Variants in EPHA6 observed in about 807,000 individuals in gnomAD.
EPHA6 encodes ephrin type-A receptor 6.
A neutral mutation model predicts 112.0 loss-of-function variants in EPHA6; 50 were observed. The observed-to-expected ratio is 0.45, with a 90% CI of 0.36 to 0.56. EPHA6 has a LOEUF of 0.56. Among genes scored for constraint, EPHA6 ranks in the 20% least tolerant of loss-of-function variants. EPHA6 has a pLI of 0.00. For missense variants in EPHA6, 1,280 were observed against 1,417.4 expected (o/e 0.90, Z 1.56); for synonymous variants, 529 against 490.7 (o/e 1.08, Z -1.03).
At chr3:97,387,462 A>G (rs2086139273) in intron 5 of EPHA6, among the ~76,000 whole-genome samples, 1 of 152,122 alleles carries the variant, frequency 6.6e-6, no homozygotes, top group Non-Finnish European at 1.5e-5. Context: ...AGATTTTTAG[A>G]GCTGGGGCAC....
chr3:97,729,172 C>T (rs537918689), intron 15 of EPHA6, among the ~76,000 whole-genome samples: 10 of 152,088 alleles, frequency 6.6e-5, no homozygotes, highest in South Asian at 4.2e-4. Context: ...ATCACTGTAA[C>T]GCCTTTTTTC....
At chr3:97,400,581 G>A (rs929227266) in intron 5 of EPHA6, among the ~76,000 whole-genome samples, 50 of 151,398 alleles carry the variant, frequency 3.3e-4, no homozygotes, top group African/African-American at 1.2e-3. Flanking sequence ...ACATTTATTT[G>A]TTTCCTCTTA....
At chr3:97,211,722 G>A (rs558622520) in intron 3 of EPHA6, among the ~76,000 whole-genome samples, 1 of 152,198 alleles carries the variant, frequency 6.6e-6, no homozygotes, top group East Asian at 1.9e-4. Context: ...AATTTGGGGG[G>A]CATACACACA....
intron 5 of EPHA6, among the ~76,000 whole-genome samples, chr3:97,307,113 A>T (rs900515305): frequency 9.2e-5 from 14 of 151,918 alleles, no homozygotes; most frequent in Admixed American, 2.6e-4. Context: ...ATTCCTAACA[A>T]TGCATTTTAT....
chr3:97,377,051 A>G (rs1371280379), intron 5 of EPHA6, among the ~76,000 whole-genome samples: 1 of 152,182 alleles, frequency 6.6e-6, no homozygotes, highest in Non-Finnish European at 1.5e-5. Context: ...GTAATGCTAA[A>G]TCTTGGAGAT....
intron 11 of EPHA6, among the ~76,000 whole-genome samples, chr3:97,557,180 C>T (rs1174498098): frequency 6.6e-6 from 1 of 151,848 alleles, no homozygotes; most frequent in Admixed American, 6.6e-5. Flanking sequence ...TTTTTAAATA[C>T]TGAAAATTAC....
At chr3:96,888,095 A>G (rs964468540) in intron 2 of EPHA6, among the ~76,000 whole-genome samples, 1 of 152,016 alleles carries the variant, frequency 6.6e-6, no homozygotes, top group African/African-American at 2.4e-5. Flanking sequence ...CCCTCCCCCA[A>G]GTTCTGGCCA....
intron 2 of EPHA6, among the ~76,000 whole-genome samples, chr3:96,939,080 G>A (rs1384047593): frequency 1.1e-4 from 16 of 152,104 alleles, no homozygotes; most frequent in Admixed American, 7.9e-4. Flanking sequence ...TTTTGGTTGT[G>A]TCTCTGCCAG....
chr3:97,251,718 C>G (rs2079148120), intron 5 of EPHA6, among the ~76,000 whole-genome samples: 1 of 152,058 alleles, frequency 6.6e-6, no homozygotes, highest in South Asian at 2.1e-4. Flanking sequence ...CCATGTATTC[C>G]TCTGCACTTT....
At chr3:97,447,867 C>CT in intron 6 of EPHA6, 3 of 792,006 alleles carry the variant, frequency 3.8e-6, no homozygotes, top group Non-Finnish European at 4.7e-6. Flanking sequence ...GTTTCCAGTG[C>CT]TTCTTCATGG....
intron 3 of EPHA6, among the ~76,000 whole-genome samples, chr3:97,136,074 T>C (rs1315983797): frequency 6.6e-6 from 1 of 152,206 alleles, no homozygotes; most frequent in African/African-American, 2.4e-5. Flanking sequence ...GATCTCAATT[T>C]GGAAGTACTC....
intron 3 of EPHA6, among the ~76,000 whole-genome samples, chr3:97,207,664 A>G (rs2077750040): frequency 6.6e-6 from 1 of 152,184 alleles, no homozygotes; most frequent in African/African-American, 2.4e-5. Flanking sequence ...ATATTTACAC[A>G]TGGATGAACA....
intron 13 of EPHA6, among the ~76,000 whole-genome samples, chr3:97,628,164 G>A (rs1246990892): frequency 6.6e-6 from 1 of 151,976 alleles, no homozygotes; most frequent in East Asian, 1.9e-4. Flanking sequence ...CCATAATCCA[G>A]GTAAGAGATA....
chr3:97,642,723 G>T (rs1044964558), intron 14 of EPHA6, among the ~76,000 whole-genome samples: 23 of 151,822 alleles, frequency 1.5e-4, no homozygotes, highest in Non-Finnish European at 2.7e-4. Context: ...AATGAAGCGA[G>T]AAGGGAAGTT....
At chr3:97,281,085 A>G (rs376173309) in intron 5 of EPHA6, among the ~76,000 whole-genome samples, 9 of 152,278 alleles carry the variant, frequency 5.9e-5, no homozygotes, top group East Asian at 1.9e-4. Flanking sequence ...GAGGGAGAGA[A>G]GTTAAGTGTT....
intron 11 of EPHA6, among the ~76,000 whole-genome samples, chr3:97,583,498 C>T (rs935240173): frequency 2.0e-5 from 3 of 150,754 alleles, no homozygotes; most frequent in African/African-American, 7.3e-5. Flanking sequence ...GAGATCGTGC[C>T]ACTGCACTCC....
At chr3:97,618,310 C>T (rs2093783558) in intron 13 of EPHA6, among the ~76,000 whole-genome samples, 1 of 152,062 alleles carries the variant, frequency 6.6e-6, no homozygotes, top group Admixed American at 6.6e-5. Context: ...CACTAAATAC[C>T]CACCTCAAAA....
intron 5 of EPHA6, among the ~76,000 whole-genome samples, chr3:97,298,356 C>T (rs559220620): frequency 6.0e-4 from 92 of 152,248 alleles, no homozygotes; most frequent in Non-Finnish European, 1.1e-3. Flanking sequence ...TTGCACTTTT[C>T]CCCAAGCATA....
At position 97,363,261 on chromosome 3, in the gene EPHA6, A is replaced by G. The variant is rs2084506578; in HGVS notation, c.1607-41889A>G. 2.5e-5 allele frequency among the ~76,000 whole-genome samples: 3 copies of G among 121,752 alleles called. No individual in the cohort carries two copies. In the Admixed American group the frequency reaches 2.6e-4, roughly 10 times the overall value. 79.9% of individuals were successfully genotyped at this position (121,752 alleles called of 152,430 possible). On this transcript the variant is annotated intron_variant, in intron 5 of 17. Coordinates refer to ENST00000389672, the MANE Select transcript of EPHA6 (RefSeq NM_001080448.3). ...ATAAATCTCAGATGCTACAAAAACT[A>G]AAGTAAATTATTTCTACAGTTATAT... is the stretch of plus-strand genomic sequence containing the variant.
Sources: gnomAD v4.1 joint callset for allele counts (sites outside exome capture counted in the v4.1 genomes callset) on GRCh38, gnomAD v4.1.1 for gene constraint, MANE v1.5 for transcripts, NCBI Gene and HGNC (gene_info 2026-07-23, HGNC 2026-07-21) for gene names.